The following ITGA4 variants were observed in gnomAD, a reference collection of about 807,000 sequenced individuals.
ITGA4 encodes integrin subunit alpha 4.
Under a neutral mutation model 133.6 loss-of-function variants are expected in ITGA4, and 63 were observed. The observed-to-expected ratio is 0.47, with a 90% CI of 0.38 to 0.58. The LOEUF (loss-of-function observed/expected upper bound fraction) is 0.58. Among genes scored for constraint, ITGA4 ranks in the 20% least tolerant of loss-of-function variants. ITGA4 has a pLI of 0.00. For synonymous variants in ITGA4, 483 were observed against 438.0 expected, an observed-to-expected ratio of 1.10 and a Z score of -1.28; for missense variants, 1,076 against 1,252.7, an observed-to-expected ratio of 0.86 and a Z score of 2.13.
intron 2 of ITGA4, among the ~76,000 whole-genome samples, chr2:181,473,289 T>C (rs1234348847): frequency 8.5e-5 from 13 of 152,160 alleles, no homozygotes. Context: ...CTCGTAGGAG[T>C]GCAAACCCTA....
rs772806452 is a variant in ITGA4, at chr2:181,523,472, C to T, written c.2109C>T (p.Asn703=). The T allele has an allele frequency of 1.9e-6, 3 of 1,610,258 alleles. No individual in the cohort carries two copies. Among genetic ancestry groups the T allele is most frequent in the South Asian group, 1.1e-5 (1 of 90,998 alleles). Residue 703 remains asparagine, a synonymous_variant, in exon 19 of 28, where the codon AAC becomes AAT. Coordinates refer to ENST00000397033, the MANE Select transcript of ITGA4 (RefSeq NM_000885.6). This position sits in a 1 kb window ranked among gnomAD's most constrained non-coding sequence, Gnocchi z 4.2. Reference sequence around the variant, plus strand: ...AAATAAACTGTGAAGTCACAGATAACTCTGGCGTGGTACAACTTGACTGCA... The same window carrying T: ...AAATAAACTGTGAAGTCACAGATAATTCTGGCGTGGTACAACTTGACTGCA... ...EKQINCEVTD[N]SGVVQLDCSI... is the part of the protein sequence containing the mutation.
intron 4 of ITGA4, among the ~76,000 whole-genome samples, chr2:181,478,280 C>T (rs1685725721): frequency 6.6e-6 from 1 of 151,960 alleles, no homozygotes; most frequent in South Asian, 2.1e-4. Flanking sequence ...ATCTAATGTA[C>T]AGCATGAGGA....
At chr2:181,464,769 G>T (rs540356263) in intron 2 of ITGA4, among the ~76,000 whole-genome samples, 1 of 152,158 alleles carries the variant, frequency 6.6e-6, no homozygotes, top group Admixed American at 6.5e-5. Flanking sequence ...AGGTAGTTCA[G>T]ACAGTAACAC....
At chr2:181,493,267 C>T (rs559939619) in intron 10 of ITGA4, 58 bp from the exon 11 acceptor site, 95 of 1,164,708 alleles carry the variant, frequency 8.2e-5, no homozygotes, top group African/African-American at 2.3e-4. Flanking sequence ...GGTTAGTTTT[C>T]GAAGTTGCAT....
intron 2 of ITGA4, among the ~76,000 whole-genome samples, chr2:181,462,599 C>T (rs1236554886): frequency 6.6e-6 from 1 of 152,092 alleles, no homozygotes. Context: ...GAAAAATCAT[C>T]CCTGAATGAA....
rs1049706081 is a variant in ITGA4 at position 181,495,483 on chromosome 2, T to G, written c.1385+67T>G. 4 of 1,176,980 alleles carry G rather than the reference T, an allele frequency of 3.4e-6. No homozygotes were observed. The African/African-American group carries it at 6.0e-5, about 18-fold the overall frequency. 72.9% of individuals were successfully genotyped at this position (1,176,980 alleles called of 1,614,324 possible). ...AATTGTAAAATGATGGGAGGTGGTG[T>G]TTAAAATCAGCAGTGGTAGTGACCT... On this transcript the variant is annotated intron_variant, in intron 13 of 27. Coordinates refer to ENST00000397033, the MANE Select transcript of ITGA4 (RefSeq NM_000885.6). This position sits in a 1 kb window ranked among gnomAD's most constrained non-coding sequence, Gnocchi z 4.3.
intron 2 of ITGA4, among the ~76,000 whole-genome samples, chr2:181,474,647 C>A (rs1328319566): frequency 6.6e-6 from 1 of 152,228 alleles, no homozygotes; most frequent in African/African-American, 2.4e-5. Flanking sequence ...TTAGACACAG[C>A]AGTTATAGTT....
intron 2 of ITGA4, among the ~76,000 whole-genome samples, chr2:181,470,610 C>T (rs1685525925): frequency 6.6e-6 from 1 of 152,084 alleles, no homozygotes; most frequent in Non-Finnish European, 1.5e-5. Context: ...AAGGAGTGGA[C>T]TCAGGATCAC....
intron 2 of ITGA4, among the ~76,000 whole-genome samples, chr2:181,472,113 G>C (rs1477703877): frequency 1.3e-5 from 2 of 152,194 alleles, no homozygotes; most frequent in African/African-American, 4.8e-5. Flanking sequence ...CCTGGGCAGT[G>C]ATGACATTGT....
intron 17 of ITGA4, among the ~76,000 whole-genome samples, chr2:181,514,464 A>G (rs1026404): frequency 0.98 from 148,793 of 152,176 alleles, 72,846 homozygotes; most frequent in Middle Eastern, 1. Flanking sequence ...TTATACTTAA[A>G]TTACCCAGAT....
chr2:181,499,499 C>A (rs919612141), intron 15 of ITGA4, among the ~76,000 whole-genome samples: 6 of 152,238 alleles, frequency 3.9e-5, no homozygotes, highest in East Asian at 1.9e-4. Context: ...TCACAAAAAA[C>A]CAAACTATTC....
chr2:181,482,326 C>T (rs1217617519), intron 7 of ITGA4, 34 bp from the exon 8 acceptor site: 4 of 1,562,100 alleles, frequency 2.6e-6, no homozygotes, highest in East Asian at 4.5e-5. Context: ...AATGTTATTC[C>T]TAAAAACTTT....
At chr2:181,492,491 T>C (rs1686072515) in intron 10 of ITGA4, among the ~76,000 whole-genome samples, 1 of 152,170 alleles carries the variant, frequency 6.6e-6, no homozygotes, top group East Asian at 1.9e-4. Context: ...CCATTGCATA[T>C]AAGTAAATAT....
At chr2:181,480,480 T>C (rs963753677) in intron 6 of ITGA4, among the ~76,000 whole-genome samples, 26 of 152,110 alleles carry the variant, frequency 1.7e-4, no homozygotes, top group African/African-American at 6.0e-4. Flanking sequence ...AAATCATCAA[T>C]ATATAATTCT....
At chr2:181,474,642 C>A (rs1280209572) in intron 2 of ITGA4, among the ~76,000 whole-genome samples, 1 of 152,176 alleles carries the variant, frequency 6.6e-6, no homozygotes, top group Non-Finnish European at 1.5e-5. Context: ...AAACGTTAGA[C>A]ACAGCAGTTA....
chr2:181,468,972 T>C (rs1005636186), intron 2 of ITGA4, among the ~76,000 whole-genome samples: 1 of 152,208 alleles, frequency 6.6e-6, no homozygotes, highest in African/African-American at 2.4e-5. Flanking sequence ...AAGTACTTTT[T>C]CAATTATGGA....
Position 181,530,532 on chromosome 2 carries a change from T to C in ITGA4, c.2547T>C (p.Thr849=), listed in dbSNP as rs199752137. ...LFNILDVQTT[T]GECHFENYQR... ...GCTTTCTGTCTTCATAGACTACTAC[T>C]GGAGAATGCCACTTTGAAAATTATC... The change falls in exon 24 of 28, where the codon ACT becomes ACC. Residue 849 remains threonine, a synonymous_variant. Coordinates refer to ENST00000397033, the MANE Select transcript of ITGA4 (RefSeq NM_000885.6). 19 of 1,612,874 alleles carry C rather than the reference T, an allele frequency of 1.2e-5. No homozygotes were observed. The highest frequency in any genetic ancestry group is 1.6e-5 in the Non-Finnish European group (19 of 1,179,116).
At chr2:181,488,267 C>A (rs573448437) in intron 10 of ITGA4, among the ~76,000 whole-genome samples, 1 of 152,282 alleles carries the variant, frequency 6.6e-6, no homozygotes, top group South Asian at 2.1e-4. Flanking sequence ...AGGAAGAGGA[C>A]TTCGGAGGTG....
Position 181,474,962 on chromosome 2 carries a change from A to G in ITGA4, c.322A>G (p.Ser108Gly). Residue 108 changes from serine to glycine, a missense_variant and splice_region_variant, in exon 3 of 28, where the codon AGC becomes GGC. Physicochemically the swap from Ser to Gly is moderately conservative, Grantham distance 56. Transcript: ENST00000397033. ...AAAATTATTTTCACATGCTATAGGT[A>G]GCCCTAATGGAGAACCTTGTGGAAA... ...GQTCEQLQLG[S>G]PNGEPCGKTC... 1.2e-6 allele frequency: 2 copies of G among 1,609,436 alleles called. No individual in the cohort carries two copies. Among genetic ancestry groups the G allele is most frequent in the Non-Finnish European group, 1.7e-6 (2 of 1,175,790 alleles).
Sources: allele counts gnomAD v4.1 joint callset (sites outside exome capture counted in the v4.1 genomes callset), GRCh38; gene constraint gnomAD v4.1.1; non-coding constraint Gnocchi (gnomAD v3.1); transcripts MANE v1.5; gene names NCBI Gene and HGNC (gene_info 2026-07-23, HGNC 2026-07-21).